Variants in TMEM131L observed in about 807,000 individuals in gnomAD.
TMEM131L encodes transmembrane 131 like.
TMEM131L carries 54 observed loss-of-function variants against 192.2 expected under a neutral mutation model. The ratio of observed to expected loss-of-function variants is 0.28; its 90% confidence interval spans 0.23 to 0.35. The LOEUF (loss-of-function observed/expected upper bound fraction) is 0.35. TMEM131L is among the 10% of genes least tolerant of loss of function. TMEM131L has a pLI of 1.00. For synonymous variants in TMEM131L, 701 were observed against 704.9 expected (o/e 0.99, Z 0.09); for missense variants, 1,888 against 1,972.9 (o/e 0.96, Z 0.82).
At chr4:153,614,815 C>T (rs12499741) in intron 26 of TMEM131L, among the ~76,000 whole-genome samples, 8,563 of 152,138 alleles carry the variant, frequency 0.056, 455 homozygotes, top group African/African-American at 0.12. Context: ...GTAATCAAGG[C>T]TTACATTTGA....
intron 22 of TMEM131L, 92 bp from the exon 23 acceptor site, chr4:153,602,450 T>A (rs544876883): frequency 1.3e-6 from 2 of 1,526,360 alleles, no homozygotes; most frequent in East Asian, 4.5e-5. Context: ...TAAATATTTC[T>A]TTTGTAGGAG....
chr4:153,536,972 C>T (rs1362689043), intron 3 of TMEM131L, among the ~76,000 whole-genome samples: 1 of 152,132 alleles, frequency 6.6e-6, no homozygotes, highest in Non-Finnish European at 1.5e-5. Flanking sequence ...TGCTTTTCTG[C>T]CTGCTTTATA....
chr4:153,600,292 A>G (rs1346161157), intron 21 of TMEM131L, among the ~76,000 whole-genome samples: 1 of 151,872 alleles, frequency 6.6e-6, no homozygotes, highest in African/African-American at 2.4e-5. Context: ...GATTGAGCCC[A>G]GGAGAGCTGG....
chr4:153,472,127 C>T (rs1235512570), intron 2 of TMEM131L, among the ~76,000 whole-genome samples: 1 of 151,992 alleles, frequency 6.6e-6, no homozygotes, highest in African/African-American at 2.4e-5. Context: ...CATTTAAATG[C>T]TTTATGAGTA....
intron 3 of TMEM131L, among the ~76,000 whole-genome samples, chr4:153,488,221 C>T (rs962705579): frequency 5.3e-5 from 8 of 152,046 alleles, no homozygotes; most frequent in East Asian, 1.9e-4. Context: ...AATGAGGGTG[C>T]GTGAGTGCAC....
chr4:153,618,494 A>AAC (rs1554042571), intron 26 of TMEM131L, among the ~76,000 whole-genome samples: 13 of 146,552 alleles, frequency 8.9e-5, no homozygotes, highest in South Asian at 2.1e-4. Context: ...AAAAAAAAAA[A>AAC]CCCACCAAAA....
rs201386597 is a variant in TMEM131L, at chr4:153,603,463, T to G, written c.2789+11T>G. ...CCCCCATTCTTACAAGTAAGAATTC[T>G]TATAGTGTGGTTGGGAGCGGGGGCG... On this transcript the variant is annotated intron_variant, in intron 24 of 34. Coordinates refer to ENST00000409959, the MANE Select transcript of TMEM131L (RefSeq NM_001131007.2). 126 of 1,610,892 alleles carry G rather than the reference T, an allele frequency of 7.8e-5. No homozygotes were observed. Among genetic ancestry groups the G allele is most frequent in the South Asian group, 3.3e-5 (3 of 90,294 alleles).
At chr4:153,582,430 GTTGTTTTTTTT>G (rs1397440872) in intron 9 of TMEM131L, among the ~76,000 whole-genome samples, 25 of 38,506 alleles carry the variant, frequency 6.5e-4, no homozygotes, top group African/African-American at 3.7e-3. Flanking sequence ...GTTTTTTTTT[GTTGTTTTTTTT>G]TTTTTTTTTT....
chr4:153,506,563 C>T (rs937921792), intron 3 of TMEM131L, among the ~76,000 whole-genome samples: 1 of 152,118 alleles, frequency 6.6e-6, no homozygotes, highest in East Asian at 1.9e-4. Flanking sequence ...AGTATTTACG[C>T]CGGGTGCGGT....
intron 3 of TMEM131L, among the ~76,000 whole-genome samples, chr4:153,545,807 T>C (rs1737131660): frequency 6.6e-6 from 1 of 152,182 alleles, no homozygotes; most frequent in African/African-American, 2.4e-5. Context: ...ACTAAGAGTG[T>C]GTGGAACAGG....
At chr4:153,572,689 A>G (rs868845506) in intron 7 of TMEM131L, among the ~76,000 whole-genome samples, 4 of 152,018 alleles carry the variant, frequency 2.6e-5, no homozygotes, top group South Asian at 4.2e-4. Context: ...CCCTTTCCCT[A>G]TATATATGGG....
At chr4:153,495,990 G>T (rs1163079190) in intron 3 of TMEM131L, among the ~76,000 whole-genome samples, 1 of 152,158 alleles carries the variant, frequency 6.6e-6, no homozygotes, top group African/African-American at 2.4e-5. Context: ...GCGGATGTCA[G>T]CCCTGGCCAG....
chr4:153,631,903 G>A (rs184355975), intron 31 of TMEM131L, among the ~76,000 whole-genome samples: 1 of 152,274 alleles, frequency 6.6e-6, no homozygotes, highest in African/African-American at 2.4e-5. Flanking sequence ...GGCTTTTGTG[G>A]TACTGTTTCT....
chr4:153,597,422 T>G (rs562589530), intron 20 of TMEM131L, among the ~76,000 whole-genome samples: 1 of 152,332 alleles, frequency 6.6e-6, no homozygotes, highest in African/African-American at 2.4e-5. Flanking sequence ...GAAATTAATT[T>G]ACTTTCGGTG....
intron 25 of TMEM131L, among the ~76,000 whole-genome samples, chr4:153,604,744 G>A (rs756348327): frequency 2.4e-4 from 37 of 152,088 alleles, no homozygotes; most frequent in East Asian, 1.7e-3. Flanking sequence ...TTGCTCTGTC[G>A]TCCAGGCTAG....
chr4:153,606,696 T>C (rs918117535), intron 25 of TMEM131L, among the ~76,000 whole-genome samples: 3 of 152,220 alleles, frequency 2.0e-5, no homozygotes, highest in Admixed American at 2.0e-4. Flanking sequence ...ATTACTAGTA[T>C]GCTTATAATG....
chr4:153,542,556 A>G (rs7688486), intron 3 of TMEM131L, among the ~76,000 whole-genome samples: 37,805 of 152,156 alleles, frequency 0.25, 4,850 homozygotes, highest in East Asian at 0.4. Context: ...GCGAAAGTGC[A>G]ATGGATGATT....
intron 28 of TMEM131L, among the ~76,000 whole-genome samples, chr4:153,622,425 G>A (rs1354004491): frequency 6.6e-6 from 1 of 152,176 alleles, no homozygotes; most frequent in Non-Finnish European, 1.5e-5. Context: ...ACACTTAGCT[G>A]GTTTCTATCT....
chr4:153,533,466 G>A (rs1042514957), intron 3 of TMEM131L, among the ~76,000 whole-genome samples: 5 of 152,078 alleles, frequency 3.3e-5, no homozygotes, highest in Admixed American at 2.6e-4. Flanking sequence ...ATTACTCTAG[G>A]TTTTGATTTA....
Sources: allele counts gnomAD v4.1 joint callset (sites outside exome capture counted in the v4.1 genomes callset), GRCh38; gene constraint gnomAD v4.1.1; transcripts MANE v1.5; gene names NCBI Gene and HGNC (gene_info 2026-07-23, HGNC 2026-07-21).